Variants in ARHGAP26 observed in about 807,000 individuals in gnomAD.
ARHGAP26 encodes Rho GTPase activating protein 26, also known as rho GTPase-activating protein 26.
A neutral mutation model predicts 104.8 loss-of-function variants in ARHGAP26; 38 were observed. The observed-to-expected ratio is 0.36, with a 90% CI of 0.28 to 0.48. The LOEUF is 0.48. Ranked by LOEUF, ARHGAP26 falls within the 20% of genes least tolerant of loss-of-function variation. The pLI is 0.99. For synonymous variants in ARHGAP26, 341 were observed against 340.0 expected, an observed-to-expected ratio of 1.00 and a Z score of -0.03; for missense variants, 704 against 947.9, an observed-to-expected ratio of 0.74 and a Z score of 3.38.
intron 1 of ARHGAP26, among the ~76,000 whole-genome samples, chr5:142,819,564 A>G (rs1765729909): frequency 6.6e-6 from 1 of 152,164 alleles, no homozygotes; most frequent in Admixed American, 6.5e-5. Flanking sequence ...TGCCTCATAA[A>G]ATCCTCACAT....
chr5:142,937,124 C>T (rs190806938), intron 11 of ARHGAP26, among the ~76,000 whole-genome samples: 4 of 151,840 alleles, frequency 2.6e-5, no homozygotes, highest in African/African-American at 4.8e-5. Context: ...AACATATATC[C>T]GATAAGGGAC....
At chr5:142,879,280 A>G (rs955194069) in intron 3 of ARHGAP26, 94 bp from the exon 4 acceptor site, 21 of 1,155,254 alleles carry the variant, frequency 1.8e-5, no homozygotes, top group African/African-American at 9.1e-5. Context: ...TTTTATTTTA[A>G]GACATGGGGA....
At chr5:142,985,881 C>T (rs950882193) in intron 11 of ARHGAP26, among the ~76,000 whole-genome samples, 8 of 151,950 alleles carry the variant, frequency 5.3e-5, no homozygotes, top group African/African-American at 1.9e-4. Context: ...GTATATGTGC[C>T]ACATTTTTTA....
intron 22 of ARHGAP26, among the ~76,000 whole-genome samples, chr5:143,217,185 AAGGG>A (rs764681759): frequency 6.6e-6 from 1 of 152,120 alleles, no homozygotes; most frequent in Non-Finnish European, 1.5e-5. Context: ...GGAAGAGGAA[AAGGG>A]AGGGGCCCGT....
chr5:143,015,935 G>T (rs1190921205), intron 12 of ARHGAP26, among the ~76,000 whole-genome samples: 1 of 152,152 alleles, frequency 6.6e-6, no homozygotes, highest in Non-Finnish European at 1.5e-5. Context: ...TTAAAAAAGT[G>T]ACCACCCTCT....
chr5:143,030,884 T>C (rs913213086), intron 12 of ARHGAP26, among the ~76,000 whole-genome samples: 8 of 152,248 alleles, frequency 5.3e-5, no homozygotes, highest in Non-Finnish European at 1.0e-4. Context: ...TGAATAAGTA[T>C]TCTAGTTTGG....
At chr5:143,118,540 C>T in intron 17 of ARHGAP26, among the ~76,000 whole-genome samples, 1 of 152,160 alleles carries the variant, frequency 6.6e-6, no homozygotes, top group Non-Finnish European at 1.5e-5. Flanking sequence ...GGAGGCCAAG[C>T]TGGGAGAATC....
intron 11 of ARHGAP26, among the ~76,000 whole-genome samples, chr5:142,981,499 A>G (rs977185447): frequency 1.3e-5 from 2 of 152,180 alleles, no homozygotes; most frequent in African/African-American, 4.8e-5. Context: ...TAAGGCCATG[A>G]GCTACCCTCA....
In ARHGAP26 at chr5:142,858,084, TGTGTGTGTGTGA is replaced by T. The variant is rs1161489280; in HGVS notation, c.155-15314_155-15303del. Among the ~76,000 whole-genome samples the T allele has an allele frequency of 5.1e-4, 73 of 143,288 alleles. 1 individual carries two copies. Among genetic ancestry groups the T allele is most frequent in the African/African-American group, 1.9e-3 (70 of 36,360 alleles). The allele number at this position is 143,288 out of a possible 152,430, so 94.0% of individuals were successfully genotyped here. Reference sequence around the variant, plus strand: ...ATCTGTGTGTGTGTGTGTGTGTGTGTGTGTGTGTGTGAGAGAGAGAGAGAGAGGGAGTGTGTG... The same window carrying T: ...ATCTGTGTGTGTGTGTGTGTGTGTGTGAGAGAGAGAGAGAGGGAGTGTGTG... On this transcript the variant is annotated intron_variant, in intron 1 of 22. Coordinates refer to ENST00000645722, the MANE Select transcript of ARHGAP26 (RefSeq NM_001135608.3).
chr5:142,968,087 T>G (rs1187565268), intron 11 of ARHGAP26, among the ~76,000 whole-genome samples: 1 of 152,198 alleles, frequency 6.6e-6, no homozygotes, highest in African/African-American at 2.4e-5. Context: ...CTCCTCCTCC[T>G]ATTCCTCCAC....
chr5:142,816,667 TG>T (rs1205034675), intron 1 of ARHGAP26, among the ~76,000 whole-genome samples: 1 of 152,212 alleles, frequency 6.6e-6, no homozygotes, highest in African/African-American at 2.4e-5. Flanking sequence ...TCACATGGTT[TG>T]GCTGGAGCCC....
chr5:142,966,592 G>C (rs1771376796), intron 11 of ARHGAP26, among the ~76,000 whole-genome samples: 1 of 152,162 alleles, frequency 6.6e-6, no homozygotes, highest in African/African-American at 2.4e-5. Flanking sequence ...AGCCATGAAA[G>C]ACTTTGTTGT....
At chr5:142,880,660 T>C (rs1448965766) in intron 4 of ARHGAP26, among the ~76,000 whole-genome samples, 1 of 152,218 alleles carries the variant, frequency 6.6e-6, no homozygotes, top group African/African-American at 2.4e-5. Flanking sequence ...TCTGGAACTG[T>C]GAGTCAATTC....
intron 1 of ARHGAP26, among the ~76,000 whole-genome samples, chr5:142,840,826 C>G (rs1770640543): frequency 6.6e-6 from 1 of 152,206 alleles, no homozygotes; most frequent in Admixed American, 6.5e-5. Context: ...CCTTCCATAT[C>G]TACTCTGCCA....
At chr5:143,156,337 G>T (rs979231112) in intron 20 of ARHGAP26, among the ~76,000 whole-genome samples, 1 of 152,158 alleles carries the variant, frequency 6.6e-6, no homozygotes, top group African/African-American at 2.4e-5. Context: ...TCTGCATTAG[G>T]GATCTGGAAA....
chr5:142,944,937 C>T (rs1162960433), intron 11 of ARHGAP26, among the ~76,000 whole-genome samples: 1 of 152,142 alleles, frequency 6.6e-6, no homozygotes, highest in African/African-American at 2.4e-5. Flanking sequence ...CGCCCCCTCC[C>T]CAACCCCATT....
intron 9 of ARHGAP26, among the ~76,000 whole-genome samples, chr5:142,910,460 C>T (rs948448700): frequency 6.6e-6 from 1 of 152,202 alleles, no homozygotes; most frequent in Non-Finnish European, 1.5e-5. Context: ...AGACCGAGGC[C>T]GGATGTGGTG....
rs540831843 is a variant in ARHGAP26, at chr5:143,225,830, T to C, written c.*3384T>C. On this transcript the variant is annotated 3_prime_UTR_variant, in exon 23 of 23. Coordinates refer to ENST00000645722, the MANE Select transcript of ARHGAP26 (RefSeq NM_001135608.3). ...TGCGGTGCCCTTGACAGATGGCTTC[T>C]CTGTTTCCCTTTGCCCAGCCAGGCT... The C allele has an allele frequency of 8.7e-6, 2 of 228,622 alleles. No homozygotes were observed. Among genetic ancestry groups the C allele is most frequent in the East Asian group, 6.2e-5 (1 of 16,022 alleles). The allele number at this position is 228,622 out of a possible 1,614,324, so 14.2% of individuals were successfully genotyped here.
intron 17 of ARHGAP26, among the ~76,000 whole-genome samples, chr5:143,072,428 T>C (rs1788405481): frequency 6.6e-6 from 1 of 152,188 alleles, no homozygotes. Flanking sequence ...AAGGAAATCA[T>C]TACATTGAAG....
Sources: gnomAD v4.1 joint callset for allele counts (sites outside exome capture counted in the v4.1 genomes callset) on GRCh38, gnomAD v4.1.1 for gene constraint, MANE v1.5 for transcripts, NCBI Gene and HGNC (gene_info 2026-07-23, HGNC 2026-07-21) for gene names.